Variants in TSPAN1 observed in about 807,000 individuals in gnomAD.
TSPAN1 encodes tetraspanin 1.
Under a neutral mutation model 26.9 loss-of-function variants are expected in TSPAN1, and 23 were observed. The observed-to-expected ratio is 0.85, with a 90% CI of 0.62 to 1.21. The LOEUF (loss-of-function observed/expected upper bound fraction) is 1.21. Among genes scored for constraint, TSPAN1 ranks in the 50% most tolerant of loss-of-function variants. TSPAN1 has a pLI of 0.00. For synonymous variants in TSPAN1, 115 were observed against 114.8 expected (o/e 1.00, Z -0.01); for missense variants, 283 against 298.4 (o/e 0.95, Z 0.38).
At position 46,176,364 on chromosome 1, in the gene TSPAN1, C is replaced by T; in HGVS notation, c.-142+955C>T. 1.3e-6 allele frequency: 2 copies of T among 1,535,742 alleles called. 1 individual carries two copies. Among genetic ancestry groups the T allele is most frequent in the Non-Finnish European group, 1.7e-6 (2 of 1,146,912 alleles). Reference sequence around the variant, plus strand: ...CCTGTTGATATCTTCTGCGGCTACACTTGAACATCCTGGGAAATCGGGGCC... The same window carrying T: ...CCTGTTGATATCTTCTGCGGCTACATTTGAACATCCTGGGAAATCGGGGCC... On this transcript the variant is annotated intron_variant, in intron 1 of 8. Transcript: ENST00000372003.
At chr1:46,192,378 C>T in the TSPAN1 span, 9 of 1,614,086 alleles carry the variant, frequency 5.6e-6, no homozygotes, top group East Asian at 2.2e-5. Context: ...CCAGCCCAGC[C>T]CAGGCATGGT....
downstream of TSPAN1, chr1:46,189,853 C>A: frequency 6.2e-7 from 1 of 1,613,780 alleles, no homozygotes; most frequent in Non-Finnish European, 8.5e-7. Context: ...TATTGGAGCA[C>A]CTTGGCAAGC....
Position 46,181,212 on chromosome 1 carries a change from T to A in TSPAN1, c.57+48T>A, listed in dbSNP as rs78759101. On this transcript the variant is annotated intron_variant, in intron 3 of 8. Transcript: ENST00000372003. ...CTTTGGGGCTCCCTATAGGAGCAGG[T>A]CACAAGCTGAGTAGAGACTAAGCTG... 1,428 of 1,570,882 alleles carry A rather than the reference T, an allele frequency of 9.1e-4. 8 individuals are homozygous for A. In the African/African-American group the frequency reaches 0.017, roughly 19 times the overall value.
In TSPAN1 at chr1:46,185,120, G is replaced by A. The variant is rs1385703531; in HGVS notation, c.594+5G>A. On this transcript the variant is annotated splice_donor_5th_base_variant and intron_variant, in intron 7 of 8. Transcript: ENST00000372003. ...GCTCACGACCAAAAAGTAGAGGTGT[G>A]GGCTGGCATGAGTGGGTGGGGACTG... 6.2e-7 allele frequency: 1 copy of A among 1,614,206 alleles called. No homozygotes were observed. Among genetic ancestry groups the A allele is most frequent in the South Asian group, 1.1e-5 (1 of 91,080 alleles).
At chr1:46,193,063 G>C in the TSPAN1 span, 5 of 1,602,432 alleles carry the variant, frequency 3.1e-6, no homozygotes, top group Non-Finnish European at 4.3e-6. Context: ...CCATTTTCCA[G>C]ATGTGAAGGA....
chr1:46,187,827 C>T (rs1310998469), downstream of TSPAN1, among the ~76,000 whole-genome samples: 1 of 152,172 alleles, frequency 6.6e-6, no homozygotes, highest in Non-Finnish European at 1.5e-5. Context: ...AGCGACATAC[C>T]ACCCATGCTG....
At chr1:46,194,267 C>A in the TSPAN1 span, 1 of 1,614,190 alleles carries the variant, frequency 6.2e-7, no homozygotes, top group East Asian at 2.2e-5. Flanking sequence ...CTTAAGGCCC[C>A]ACTCACTGGG....
At position 46,184,181 on chromosome 1, in the gene TSPAN1, C is replaced by G. The variant is rs763873265; in HGVS notation, c.58-10C>G. ...ACTGTTTAAGGCCTGCCTGACCTCT[C>G]TCTCCCCAGCTGTGTGGTGCAGCCC... On this transcript the variant is annotated splice_polypyrimidine_tract_variant and intron_variant, in intron 3 of 8. Coordinates refer to ENST00000372003, the MANE Select transcript of TSPAN1 (RefSeq NM_005727.4). The G allele has an allele frequency of 5.0e-6, 8 of 1,614,074 alleles. No individual in the cohort carries two copies. The South Asian group carries it at 8.8e-5, about 18-fold the overall frequency.
intron 3 of TSPAN1, 35 bp downstream of exon 3, chr1:46,181,199 C>CT (rs781169636): frequency 6.3e-7 from 1 of 1,596,364 alleles, no homozygotes; most frequent in Non-Finnish European, 8.6e-7. Context: ...TTGGGGCTCC[C>CT]TATAGGAGCA....
chr1:46,190,368 G>C, downstream of TSPAN1: 1 of 1,411,004 alleles, frequency 7.1e-7, no homozygotes. Flanking sequence ...TTTGAGATGA[G>C]GGCCCTGATT....
At chr1:46,184,565 T>C in intron 4 of TSPAN1, 29 bp from the exon 5 acceptor site, 5 of 1,613,010 alleles carry the variant, frequency 3.1e-6, no homozygotes, top group South Asian at 2.2e-5. Context: ...TGTCTCTCCC[T>C]AAAACCCAGA....
intron 1 of TSPAN1, chr1:46,175,885 TTTC>T (rs1184579057): frequency 6.4e-5 from 25 of 388,782 alleles, no homozygotes; most frequent in Non-Finnish European, 9.0e-6. Flanking sequence ...TTTTTTTTTT[TTTC>T]TTGAGACAGA....
At chr1:46,182,242 A>G (rs1319460254) in intron 3 of TSPAN1, among the ~76,000 whole-genome samples, 2 of 142,752 alleles carry the variant, frequency 1.4e-5, no homozygotes, top group Non-Finnish European at 3.0e-5. Flanking sequence ...CACTGAAGCC[A>G]TGGGAGTGGA....
At chr1:46,194,783 T>C in the TSPAN1 span, 2 of 1,613,166 alleles carry the variant, frequency 1.2e-6, no homozygotes, top group Non-Finnish European at 1.7e-6. Flanking sequence ...CCCCATCTCC[T>C]AGGGTTCTGC....
At chr1:46,195,497 T>C in the TSPAN1 span, 2 of 420,086 alleles carry the variant, frequency 4.8e-6, no homozygotes, top group Non-Finnish European at 9.0e-6. Context: ...ATACAAGTTA[T>C]CATTTACTAG....
chr1:46,182,197 CA>C (rs1314904362), intron 3 of TSPAN1, among the ~76,000 whole-genome samples: 1 of 150,406 alleles, frequency 6.6e-6, no homozygotes. Context: ...TGGAGCTGGC[CA>C]TGGGTATTTG....
At chr1:46,190,800 G>C, downstream of TSPAN1, 2 of 1,603,774 alleles carry the variant, frequency 1.2e-6, no homozygotes, top group South Asian at 2.2e-5. Context: ...GTGGGTATGA[G>C]AGTGAAAATC....
At chr1:46,183,291 T>C (rs1379127502) in intron 3 of TSPAN1, 1 of 152,218 alleles carries the variant, frequency 6.6e-6, no homozygotes, top group Non-Finnish European at 1.5e-5. Context: ...TCCATGAAAT[T>C]TGACCCTGCA....
chr1:46,192,967 G>T, the TSPAN1 span: 2 of 1,614,154 alleles, frequency 1.2e-6, no homozygotes, highest in Non-Finnish European at 1.7e-6. Flanking sequence ...TCCTAGAAGG[G>T]GAATGGGACA....
Sources: allele counts gnomAD v4.1 joint callset (sites outside exome capture counted in the v4.1 genomes callset), GRCh38; gene constraint gnomAD v4.1.1; transcripts MANE v1.5; gene names NCBI Gene and HGNC (gene_info 2026-07-23, HGNC 2026-07-21).